CSMD3: variants seen among roughly 807,000 people sequenced by gnomAD.
The protein encoded by CSMD3 is CUB and Sushi multiple domains 3.
Under a neutral mutation model 435.2 loss-of-function variants are expected in CSMD3, and 177 were observed. The observed-to-expected ratio is 0.41, with a 90% CI of 0.36 to 0.46. CSMD3 has a LOEUF of 0.46. Among genes scored for constraint, CSMD3 ranks in the 20% least tolerant of loss-of-function variants. The probability of loss-of-function intolerance (pLI) is 0.34; values close to 1 mark genes in which losing one functional copy is unlikely to be tolerated. For synonymous variants in CSMD3, 1,656 were observed against 1,520.5 expected, an observed-to-expected ratio of 1.09 and a Z score of -2.07; for missense variants, 4,265 against 4,504.6, an observed-to-expected ratio of 0.95 and a Z score of 1.52.
intron 4 of CSMD3, among the ~76,000 whole-genome samples, chr8:113,104,128 T>C (rs1479428529): frequency 6.6e-6 from 1 of 152,134 alleles, no homozygotes; most frequent in Non-Finnish European, 1.5e-5. Flanking sequence ...TATTAGTTTC[T>C]GCTGAAATAG....
intron 9 of CSMD3, among the ~76,000 whole-genome samples, chr8:112,942,344 C>T (rs1390407898): frequency 1.3e-5 from 2 of 151,498 alleles, no homozygotes; most frequent in Middle Eastern, 3.4e-3. Context: ...CCATTCAACC[C>T]AGTAATACCA....
chr8:112,237,354 A>T lies in CSMD3; in HGVS notation c.10469-6T>A, dbSNP rs2129994611. 6.3e-7 allele frequency: 1 copy of T among 1,579,666 alleles called. No homozygotes were observed. Among genetic ancestry groups the T allele is most frequent in the South Asian group, 1.1e-5 (1 of 90,334 alleles). ...GGCAAATACATCATCAGGAACTGTGAATAGATTAAATATACCACACATTAA... is the reference window on the plus strand; with the variant it reads ...GGCAAATACATCATCAGGAACTGTGTATAGATTAAATATACCACACATTAA... On this transcript the variant is annotated splice_region_variant and splice_polypyrimidine_tract_variant and intron_variant, in intron 66 of 70. Transcript: ENST00000297405.
chr8:113,015,519 A>T (rs2086422501), intron 6 of CSMD3, among the ~76,000 whole-genome samples: 1 of 151,944 alleles, frequency 6.6e-6, no homozygotes, highest in African/African-American at 2.4e-5. Context: ...AATTACTCAT[A>T]TATTTACATA....
intron 32 of CSMD3, among the ~76,000 whole-genome samples, chr8:112,465,758 T>C (rs1399492963): frequency 1.3e-5 from 2 of 152,078 alleles, no homozygotes; most frequent in Non-Finnish European, 2.9e-5. Flanking sequence ...GTAGATCACC[T>C]GAGGTCAGGA....
At chr8:113,064,866 T>C (rs994546997) in intron 5 of CSMD3, among the ~76,000 whole-genome samples, 11 of 152,174 alleles carry the variant, frequency 7.2e-5, no homozygotes, top group African/African-American at 2.4e-4. Flanking sequence ...CTAGAAGATA[T>C]CCTGAATCAA....
At chr8:112,942,659 T>C (rs769469215) in intron 9 of CSMD3, among the ~76,000 whole-genome samples, 5 of 151,508 alleles carry the variant, frequency 3.3e-5, no homozygotes, top group African/African-American at 7.3e-5. Flanking sequence ...GAACTAAACA[T>C]TGAGTACACG....
At chr8:112,259,269 G>A (rs1266113524) in intron 61 of CSMD3, among the ~76,000 whole-genome samples, 1 of 152,150 alleles carries the variant, frequency 6.6e-6, no homozygotes, top group Non-Finnish European at 1.5e-5. Context: ...CATAAAAAAG[G>A]ATGAGTTATT....
chr8:112,650,465 C>T (rs1393902477), intron 18 of CSMD3, 116 bp from the exon 19 acceptor site: 10 of 841,330 alleles, frequency 1.2e-5, no homozygotes, highest in Middle Eastern at 3.2e-4. Flanking sequence ...TAAAGGTACT[C>T]GTACTTCATT....
chr8:113,106,316 T>C (rs2090475143), intron 4 of CSMD3, among the ~76,000 whole-genome samples: 1 of 151,616 alleles, frequency 6.6e-6, no homozygotes, highest in African/African-American at 2.4e-5. Flanking sequence ...CAAAATATAT[T>C]ACTAGAAATT....
chr8:112,503,528 C>T (rs1217716910), intron 30 of CSMD3, among the ~76,000 whole-genome samples: 1 of 152,022 alleles, frequency 6.6e-6, no homozygotes, highest in Non-Finnish European at 1.5e-5. Context: ...TTGTGTGGCT[C>T]CAGCCAACTC....
intron 14 of CSMD3, among the ~76,000 whole-genome samples, chr8:112,688,326 C>T (rs538255095): frequency 3.8e-4 from 58 of 152,178 alleles, no homozygotes; most frequent in Non-Finnish European, 1.5e-4. Context: ...TATGTAACTT[C>T]CCTTCACAAT....
At chr8:112,238,831 T>C (rs997986991) in intron 66 of CSMD3, among the ~76,000 whole-genome samples, 17 of 152,160 alleles carry the variant, frequency 1.1e-4, no homozygotes, top group African/African-American at 3.9e-4. Context: ...CTTTTAAGGA[T>C]TATTTAAAAC....
At chr8:112,665,157 A>G (rs2075490787) in intron 17 of CSMD3, among the ~76,000 whole-genome samples, 1 of 152,148 alleles carries the variant, frequency 6.6e-6, no homozygotes, top group Admixed American at 6.6e-5. Flanking sequence ...TATCTATATA[A>G]GTCAAATGCG....
chr8:112,669,597 G>A (rs2131723298), intron 16 of CSMD3, among the ~76,000 whole-genome samples: 1 of 152,142 alleles, frequency 6.6e-6, no homozygotes, highest in Admixed American at 6.5e-5. Context: ...ACTCTTGGCT[G>A]AACAAGAAAA....
At chr8:112,854,714 C>A (rs975515647) in intron 11 of CSMD3, among the ~76,000 whole-genome samples, 1 of 152,202 alleles carries the variant, frequency 6.6e-6, no homozygotes, top group East Asian at 1.9e-4. Context: ...TTTGGATGCT[C>A]TGTGATAAAG....
intron 4 of CSMD3, among the ~76,000 whole-genome samples, chr8:113,099,988 C>T (rs9332440): frequency 0.33 from 50,495 of 151,796 alleles, 9,223 homozygotes; most frequent in East Asian, 0.69. Flanking sequence ...TTGATGTGAC[C>T]GATAGCTCCA....
chr8:113,395,542 G>A (rs199644396), intron 1 of CSMD3, among the ~76,000 whole-genome samples: 1 of 150,798 alleles, frequency 6.6e-6, no homozygotes, highest in African/African-American at 2.4e-5. Flanking sequence ...CCGGGAGGCG[G>A]AGCTTGCAGT....
Position 113,412,977 on chromosome 8 carries a change from G to GAT in CSMD3, c.178+23698_178+23699dup, listed in dbSNP as rs559007090. On this transcript the variant is annotated intron_variant, in intron 1 of 70. Coordinates refer to ENST00000297405, the MANE Select transcript of CSMD3 (RefSeq NM_198123.2). Reference sequence around the variant, plus strand: ...AGTGAAGAAACAGCAGTTCCTATTAGATATATATATAATTAACAGGACATG... The same window carrying GAT: ...AGTGAAGAAACAGCAGTTCCTATTAGATATATATATATAATTAACAGGACATG... 4.8e-3 allele frequency among the ~76,000 whole-genome samples: 725 copies of GAT among 151,936 alleles called. 3 individuals are homozygous for GAT. Among genetic ancestry groups the GAT allele is most frequent in the Non-Finnish European group, 7.6e-3 (516 of 67,908 alleles).
chr8:113,271,213 T>G lies in CSMD3; in HGVS notation c.514+7379A>C, dbSNP rs191949823. Among the ~76,000 whole-genome samples the G allele has an allele frequency of 3.2e-3, 484 of 152,218 alleles. 1 individual carries two copies. Among genetic ancestry groups the G allele is most frequent in the African/African-American group, 0.011 (454 of 41,552 alleles). On this transcript the variant is annotated intron_variant, in intron 3 of 70. Transcript: ENST00000297405. ...CAGTAGAAAACAAAAACCCATTTTT[T>G]GGGGAGAAATTCAAGCTGGCTGCAG...
Sources: gnomAD v4.1 joint callset for allele counts (sites outside exome capture counted in the v4.1 genomes callset) on GRCh38, gnomAD v4.1.1 for gene constraint, MANE v1.5 for transcripts, NCBI Gene and HGNC (gene_info 2026-07-23, HGNC 2026-07-21) for gene names.